Variants in SFXN5 observed in about 807,000 individuals in gnomAD.
The protein encoded by SFXN5 is sideroflexin 5, also known as sideroflexin-5.
A neutral mutation model predicts 50.2 loss-of-function variants in SFXN5; 43 were observed. The observed-to-expected ratio is 0.86, with a 90% confidence interval of 0.67 to 1.11. The LOEUF (loss-of-function observed/expected upper bound fraction) is 1.11, where lower values mean the gene tolerates loss of function less well. Ranked by LOEUF, SFXN5 falls within the 50% of genes least tolerant of loss-of-function variation. SFXN5 has a pLI of 0.00. For missense variants in SFXN5, 463 were observed against 454.1 expected, an observed-to-expected ratio of 1.02 and a Z score of -0.18; for synonymous variants, 203 against 185.8, an observed-to-expected ratio of 1.09 and a Z score of -0.75.
chr2:72,963,944 AC>A (rs1445080314), intron 12 of SFXN5, among the ~76,000 whole-genome samples: 2 of 151,656 alleles, frequency 1.3e-5, no homozygotes, highest in East Asian at 3.9e-4. Flanking sequence ...AGTGGACTGC[AC>A]CCCCCAGAGG....
At chr2:73,061,820 T>G (rs548179218) in intron 1 of SFXN5, among the ~76,000 whole-genome samples, 2 of 152,210 alleles carry the variant, frequency 1.3e-5, no homozygotes, top group East Asian at 3.9e-4. Context: ...AATACATATT[T>G]AGAGTAAAAT....
At chr2:73,007,218 T>C (rs908561889) in intron 6 of SFXN5, among the ~76,000 whole-genome samples, 9 of 152,008 alleles carry the variant, frequency 5.9e-5, no homozygotes, top group Non-Finnish European at 1.2e-4. Flanking sequence ...CCACCTCCCA[T>C]ACAAAACTGA....
At chr2:73,015,074 C>T (rs922304262) in intron 6 of SFXN5, among the ~76,000 whole-genome samples, 4 of 152,166 alleles carry the variant, frequency 2.6e-5, no homozygotes, top group African/African-American at 9.7e-5. Flanking sequence ...CAGGTGCTTG[C>T]TATGGTTGGT....
At position 72,990,692 on chromosome 2, in the gene SFXN5, C is replaced by T. The variant is rs548451468; in HGVS notation, c.535-2344G>A. Among the ~76,000 whole-genome samples, 3 of 152,342 alleles carry T rather than the reference C, an allele frequency of 2.0e-5. No individual in the cohort carries two copies. The East Asian group carries it at 5.8e-4, about 29-fold the overall frequency. On this transcript the variant is annotated intron_variant, in intron 9 of 13. Transcript: ENST00000272433. The stretch of plus-strand genomic sequence containing the variant: ...TTAAACAACTTTGCTCAAGGATAGA[C>T]ATCTATTATGAGGCAAGTAAAGCTA...
chr2:73,001,612 C>A (rs758302468), intron 6 of SFXN5, 34 bp from the exon 7 acceptor site: 3 of 1,607,762 alleles, frequency 1.9e-6, no homozygotes, highest in Non-Finnish European at 2.6e-6. Context: ...CTGAAAAAGG[C>A]AGAAGAAACA....
chr2:73,036,659 G>T (rs1679019388), intron 3 of SFXN5, among the ~76,000 whole-genome samples: 1 of 152,088 alleles, frequency 6.6e-6, no homozygotes, highest in Non-Finnish European at 1.5e-5. Context: ...CTGGGAGCTG[G>T]AAGGGGTCCC....
chr2:72,971,117 C>T (rs1165620168), intron 11 of SFXN5, among the ~76,000 whole-genome samples: 1 of 152,218 alleles, frequency 6.6e-6, no homozygotes, highest in East Asian at 1.9e-4. Context: ...TCACGGCACT[C>T]ACTCCCTGGT....
At chr2:73,047,238 A>T (rs1193722431) in intron 2 of SFXN5, among the ~76,000 whole-genome samples, 1 of 62,624 alleles carries the variant, frequency 1.6e-5, no homozygotes, top group Non-Finnish European at 2.8e-5. Context: ...AAAAAAAAAA[A>T]AAAAAAAATA....
intron 2 of SFXN5, among the ~76,000 whole-genome samples, chr2:73,047,467 G>C (rs961937344): frequency 2.0e-5 from 3 of 150,466 alleles, no homozygotes; most frequent in African/African-American, 7.3e-5. Context: ...GTTTGGCTGT[G>C]TCTCTACCAA....
chr2:72,969,295 G>A (rs1436096700), intron 11 of SFXN5, among the ~76,000 whole-genome samples: 2 of 152,246 alleles, frequency 1.3e-5, no homozygotes, highest in African/African-American at 4.8e-5. Flanking sequence ...TAAAAGCAAG[G>A]CCAGCATAGT....
intron 10 of SFXN5, among the ~76,000 whole-genome samples, chr2:72,980,294 G>A (rs1365852736): frequency 6.6e-6 from 1 of 152,184 alleles, no homozygotes; most frequent in Admixed American, 6.5e-5. Flanking sequence ...AGGTTCTCAT[G>A]TCCCTGCCCG....
chr2:73,007,291 G>A (rs1406205038), intron 6 of SFXN5, among the ~76,000 whole-genome samples: 1 of 152,130 alleles, frequency 6.6e-6, no homozygotes, highest in Non-Finnish European at 1.5e-5. Flanking sequence ...AATGGGGTAT[G>A]CGTCAAAACA....
In SFXN5 at chr2:72,977,501, A is replaced by G. The variant is rs534640040; in HGVS notation, c.626-5816T>C. 7.2e-5 allele frequency among the ~76,000 whole-genome samples: 11 copies of G among 151,942 alleles called. No homozygotes were observed. The Middle Eastern group carries it at 0.01, about 142-fold the overall frequency. On this transcript the variant is annotated intron_variant, in intron 10 of 13. Transcript: ENST00000272433. ...CAGGGTTAGGTTTCTAGATCTGAGG[A>G]AAAAAAAATCTGCAGGAGTTCTTTA...
chr2:73,001,618 A>G (rs1310275453), intron 6 of SFXN5, 40 bp from the exon 7 acceptor site: 2 of 1,603,518 alleles, frequency 1.2e-6, no homozygotes, highest in Non-Finnish European at 1.7e-6. Context: ...AAGGCAGAAG[A>G]AACATCCTAT....
Position 72,945,078 on chromosome 2 carries a change from G to A in SFXN5, c.967C>T (p.Pro323Ser). The A allele has an allele frequency of 6.2e-7, 1 of 1,613,968 alleles. No individual in the cohort carries two copies. ...MSEIETSQLEPEIAQATSSRT... is the reference protein window; with the variant it reads ...MSEIETSQLESEIAQATSSRT... Reference sequence around the variant, plus strand: ...CTGCTCGTGGCCTGGGCTATCTCCGGCTCTAATTGGGATGTTTCAATCTGT... The same window carrying A: ...CTGCTCGTGGCCTGGGCTATCTCCGACTCTAATTGGGATGTTTCAATCTGT... The change falls in exon 14 of 14, where the codon CCG (proline) becomes TCG (serine). Residue 323 changes from proline to serine, a missense_variant. Physicochemically the swap from Pro to Ser is moderately conservative, Grantham distance 74. Coordinates refer to ENST00000272433, the MANE Select transcript of SFXN5 (RefSeq NM_144579.3). The surrounding 1 kb of genome is among the most constrained non-coding windows in gnomAD (Gnocchi z 5.8).
At chr2:73,068,797 G>C (rs1683359195) in intron 1 of SFXN5, among the ~76,000 whole-genome samples, 1 of 151,954 alleles carries the variant, frequency 6.6e-6, no homozygotes. Context: ...TGTATACACC[G>C]AGAAAGGTAC....
chr2:72,976,904 TA>T (rs1327060601), intron 10 of SFXN5, among the ~76,000 whole-genome samples: 4 of 152,220 alleles, frequency 2.6e-5, no homozygotes, highest in African/African-American at 9.7e-5. Flanking sequence ...AAAGGGCTAC[TA>T]ATCTTAAGTT....
At chr2:73,065,593 T>C (rs1683116116) in intron 1 of SFXN5, among the ~76,000 whole-genome samples, 1 of 151,750 alleles carries the variant, frequency 6.6e-6, no homozygotes, top group Non-Finnish European at 1.5e-5. Flanking sequence ...GACAGGGTTT[T>C]GCCATGTTGG....
At chr2:73,025,985 C>G (rs55881165) in intron 3 of SFXN5, among the ~76,000 whole-genome samples, 9,218 of 152,232 alleles carry the variant, frequency 0.061, 331 homozygotes, top group East Asian at 0.14. Context: ...ACACCACAGG[C>G]AGGAGGATGG....
Sources: gnomAD v4.1 joint callset for allele counts (sites outside exome capture counted in the v4.1 genomes callset) on GRCh38, gnomAD v4.1.1 for gene constraint, Gnocchi (gnomAD v3.1) non-coding constraint, MANE v1.5 for transcripts, NCBI Gene and HGNC (gene_info 2026-07-23, HGNC 2026-07-21) for gene names.